HHIP: variants seen among roughly 807,000 people sequenced by gnomAD.
HHIP encodes the protein hedgehog-interacting protein.
A neutral mutation model predicts 74.0 loss-of-function variants in HHIP; 12 were observed. The ratio of observed to expected loss-of-function variants is 0.16; its 90% CI spans 0.10 to 0.26. The LOEUF is 0.26. Among genes scored for constraint, HHIP ranks in the 10% least tolerant of loss-of-function variants. The pLI is 1.00. For missense variants in HHIP, 788 were observed against 845.0 expected (o/e 0.93, Z 0.84); for synonymous variants, 309 against 311.6 (o/e 0.99, Z 0.09).
At chr4:144,681,452 G>A (rs1322836010) in intron 4 of HHIP, among the ~76,000 whole-genome samples, 1 of 129,874 alleles carries the variant, frequency 7.7e-6, no homozygotes, top group African/African-American at 2.9e-5. Context: ...TTGAGACAGA[G>A]TCTCGCTCCA....
At chr4:144,663,276 A>T (rs879802423) in intron 4 of HHIP, among the ~76,000 whole-genome samples, 9 of 152,148 alleles carry the variant, frequency 5.9e-5, no homozygotes, top group Non-Finnish European at 1.0e-4. Context: ...CCTAGGCAAC[A>T]GAGCGAGACT....
intron 11 of HHIP, among the ~76,000 whole-genome samples, chr4:144,720,985 A>C (rs116268207): frequency 6.6e-6 from 1 of 152,120 alleles, no homozygotes; most frequent in Non-Finnish European, 1.5e-5. Flanking sequence ...TGTTTTTCTA[A>C]AATTTTTGAG....
At chr4:144,716,332 C>T (rs905652780) in intron 10 of HHIP, among the ~76,000 whole-genome samples, 20 of 152,146 alleles carry the variant, frequency 1.3e-4, no homozygotes, top group African/African-American at 4.8e-4. Flanking sequence ...GGGACTCAGA[C>T]AAGACTGTTG....
At chr4:144,702,908 T>A (rs1730026002) in intron 4 of HHIP, among the ~76,000 whole-genome samples, 1 of 152,138 alleles carries the variant, frequency 6.6e-6, no homozygotes, top group Admixed American at 6.5e-5. Flanking sequence ...GGACATTGGT[T>A]AACAGTTTTT....
chr4:144,662,205 A>G (rs577835256), intron 4 of HHIP, among the ~76,000 whole-genome samples: 2 of 152,298 alleles, frequency 1.3e-5, no homozygotes, highest in African/African-American at 4.8e-5. Context: ...GTAAAGGCTG[A>G]CCTTTTTTAA....
At chr4:144,654,655 C>G (rs762482066) in intron 2 of HHIP, among the ~76,000 whole-genome samples, 3 of 152,138 alleles carry the variant, frequency 2.0e-5, no homozygotes, top group Non-Finnish European at 4.4e-5. Context: ...AAATAAGATG[C>G]TAATCCCCAC....
intron 4 of HHIP, among the ~76,000 whole-genome samples, chr4:144,692,593 C>T (rs1191216372): frequency 6.6e-6 from 1 of 152,146 alleles, no homozygotes; most frequent in Non-Finnish European, 1.5e-5. Flanking sequence ...TAGATTCCCC[C>T]TGAATTCTTT....
chr4:144,689,770 C>T (rs954642278), intron 4 of HHIP, among the ~76,000 whole-genome samples: 2 of 152,038 alleles, frequency 1.3e-5, no homozygotes, highest in Non-Finnish European at 2.9e-5. Context: ...TAACTGAAGC[C>T]TTACTCTAAT....
rs150177892 is a variant in HHIP, at chr4:144,691,192, A to T, written c.832-15339A>T. Among the ~76,000 whole-genome samples the T allele has an allele frequency of 8.2e-3, 1,251 of 152,334 alleles. 7 individuals carry two copies. Among genetic ancestry groups the T allele is most frequent in the Admixed American group, 0.012 (189 of 15,296 alleles). On this transcript the variant is annotated intron_variant, in intron 4 of 12. Coordinates refer to ENST00000296575, the MANE Select transcript of HHIP (RefSeq NM_022475.3). ...ATAGAAAAAAAACAAAACTTCCTTT[A>T]TCGTTTTCACAGTGATAAAATATAG...
chr4:144,660,644 T>C (rs1297101452), intron 4 of HHIP, among the ~76,000 whole-genome samples: 2 of 151,960 alleles, frequency 1.3e-5, no homozygotes, highest in African/African-American at 4.8e-5. Flanking sequence ...ATGAACTCTT[T>C]CTTGCTTTGT....
intron 4 of HHIP, among the ~76,000 whole-genome samples, chr4:144,703,271 C>A (rs886878051): frequency 1.3e-5 from 2 of 151,926 alleles, no homozygotes; most frequent in Admixed American, 6.6e-5. Flanking sequence ...GCAAGACTGC[C>A]TGAATCACGA....
At chr4:144,736,006 C>G (rs1560725870) in intron 12 of HHIP, among the ~76,000 whole-genome samples, 1 of 152,110 alleles carries the variant, frequency 6.6e-6, no homozygotes, top group Non-Finnish European at 1.5e-5. Flanking sequence ...ATTTACCCAT[C>G]TTCTCTGTCT....
chr4:144,650,106 C>T (rs889517415), intron 1 of HHIP, among the ~76,000 whole-genome samples: 1 of 152,062 alleles, frequency 6.6e-6, no homozygotes, highest in African/African-American at 2.4e-5. Context: ...TGCCTTTTGC[C>T]CTCTTTGTTT....
At chr4:144,667,631 T>A (rs1401946245) in intron 4 of HHIP, among the ~76,000 whole-genome samples, 1 of 151,802 alleles carries the variant, frequency 6.6e-6, no homozygotes, top group Admixed American at 6.6e-5. Flanking sequence ...AGCTCTGGAG[T>A]TTCTCAAAGC....
At position 144,652,620 on chromosome 4, in the gene HHIP, A is replaced by C; in HGVS notation, c.295A>C (p.Asn99His). The C allele has an allele frequency of 6.2e-7, 1 of 1,605,146 alleles. No homozygotes were observed. Among genetic ancestry groups the C allele is most frequent in the Non-Finnish European group, 8.5e-7 (1 of 1,175,664 alleles). ...RLENKIFSVT[N>H]NTECGKLLEE... ...TGGCTTTCAGATATTTTCTGTTACCAACAACACAGAATGTGGGAAGTTACT... is the reference window on the plus strand; with the variant it reads ...TGGCTTTCAGATATTTTCTGTTACCCACAACACAGAATGTGGGAAGTTACT... Residue 99 changes from asparagine to histidine, a missense_variant, in exon 2 of 13, where the codon AAC (asparagine) becomes CAC (histidine). Asn to His is a moderately conservative substitution (Grantham distance 68). Transcript: ENST00000296575.
chr4:144,677,271 T>G (rs1397773784), intron 4 of HHIP, among the ~76,000 whole-genome samples: 1 of 152,160 alleles, frequency 6.6e-6, no homozygotes, highest in African/African-American at 2.4e-5. Flanking sequence ...GGGAGAAGAC[T>G]TTAGGAAAAA....
At chr4:144,666,983 A>C (rs1027884525) in intron 4 of HHIP, among the ~76,000 whole-genome samples, 2 of 152,204 alleles carry the variant, frequency 1.3e-5, no homozygotes, top group African/African-American at 4.8e-5. Flanking sequence ...CATAAAAAGG[A>C]GGGGAAGAAG....
chr4:144,738,147 A>G lies in HHIP; in HGVS notation c.*190A>G. 1 of 1,248,508 alleles carries G rather than the reference A, an allele frequency of 8.0e-7. No individual in the cohort carries two copies. The highest frequency in any genetic ancestry group is 1.0e-6 in the Non-Finnish European group (1 of 994,610). The allele number at this position is 1,248,508 out of a possible 1,614,324, so 77.3% of individuals were successfully genotyped here. A position where few individuals can be genotyped will look rare whatever the true frequency, so the allele number is the denominator to read the frequency against. ...CATGTTTGTTCACATATGCACATAC[A>G]CATACTCATAACCCCTATATGCGTT... is the stretch of plus-strand genomic sequence containing the variant. On this transcript the variant is annotated 3_prime_UTR_variant, in exon 13 of 13. Transcript: ENST00000296575.
intron 7 of HHIP, among the ~76,000 whole-genome samples, chr4:144,710,019 T>C (rs948079228): frequency 2.0e-5 from 3 of 152,138 alleles, no homozygotes; most frequent in African/African-American, 7.2e-5. Flanking sequence ...GATAATGACA[T>C]GTATCCACCA....
Sources: allele counts gnomAD v4.1 joint callset (sites outside exome capture counted in the v4.1 genomes callset), GRCh38; gene constraint gnomAD v4.1.1; transcripts MANE v1.5; gene names NCBI Gene and HGNC (gene_info 2026-07-23, HGNC 2026-07-21).